WRN: variants seen among roughly 807,000 people sequenced by gnomAD.
The protein encoded by WRN is bifunctional 3'-5' exonuclease/ATP-dependent helicase WRN.
In WRN, 149 loss-of-function variants were observed where a neutral mutation model predicts 180.7. That is an observed-to-expected ratio of 0.82 (90% CI 0.72 to 0.94). WRN has a LOEUF of 0.94. Among genes scored for constraint, WRN ranks in the 40% least tolerant of loss-of-function variants. The pLI, the probability that WRN is intolerant of heterozygous loss-of-function variation, is 0.00. For synonymous variants in WRN, 548 were observed against 568.9 expected, an observed-to-expected ratio of 0.96 and a Z score of 0.52; for missense variants, 1,661 against 1,700.1, an observed-to-expected ratio of 0.98 and a Z score of 0.40.
rs7001440 is a variant in WRN, at chr8:31,143,344, G to A, written c.3310-206G>A. Reference sequence around the variant, plus strand: ...TGATGATTTATTTTCTGTAGTTTTGGGAGAGATAAGACATTGGAATGCGTT... The same window carrying A: ...TGATGATTTATTTTCTGTAGTTTTGAGAGAGATAAGACATTGGAATGCGTT... On this transcript the variant is annotated intron_variant, in intron 27 of 34. Coordinates refer to ENST00000298139, the MANE Select transcript of WRN (RefSeq NM_000553.6). Among the ~76,000 whole-genome samples the A allele has an allele frequency of 0.069, 10,511 of 152,070 alleles. 426 individuals are homozygous for A. Among genetic ancestry groups the A allele is most frequent in the African/African-American group, 0.091 (3,779 of 41,482 alleles).
At chr8:31,071,507 A>G (rs1812911726) in intron 7 of WRN, among the ~76,000 whole-genome samples, 2 of 152,088 alleles carry the variant, frequency 1.3e-5, no homozygotes, top group African/African-American at 4.8e-5. Flanking sequence ...TCTTTTTTTG[A>G]GTCTCACTCT....
Position 31,036,071 on chromosome 8 carries a change from A to G in WRN, c.-77+2098A>G, listed in dbSNP as rs539728209. Among the ~76,000 whole-genome samples, 4 of 152,302 alleles carry G rather than the reference A, an allele frequency of 2.6e-5. No individual in the cohort carries two copies. The South Asian group carries it at 6.2e-4, about 24-fold the overall frequency. ...CACCATTCTACTTACTACCTCAATG[A>G]CATCAAATTTTTTAGCTCCCACATA... On this transcript the variant is annotated intron_variant, in intron 1 of 34. Transcript: ENST00000298139.
chr8:31,133,563 T>C (rs1246945599), intron 24 of WRN, among the ~76,000 whole-genome samples: 1 of 152,098 alleles, frequency 6.6e-6, no homozygotes, highest in African/African-American at 2.4e-5. Context: ...TTAAATTAGT[T>C]GTGAAATATT....
chr8:31,131,560 T>A (rs1802173477), intron 23 of WRN: 1 of 152,582 alleles, frequency 6.6e-6, no homozygotes, highest in South Asian at 2.1e-4. Flanking sequence ...TGTCTGCTGC[T>A]GGAACACATC....
rs376850933 is a variant in WRN at position 31,174,795 on chromosome 8, C to CCCTT, written c.*1717_*1720dup. On this transcript the variant is annotated 3_prime_UTR_variant, in exon 35 of 35. Coordinates refer to ENST00000298139, the MANE Select transcript of WRN (RefSeq NM_000553.6). ...CTCTTTCCTTCCTTCCCTTCCCTTC[C>CCCTT]CCTTCCTTCCTTCCTTCCTTCCTTC... Among the ~76,000 whole-genome samples, 61 of 74,634 alleles carry CCCTT rather than the reference C, an allele frequency of 8.2e-4. No homozygotes were observed. Among genetic ancestry groups the CCCTT allele is most frequent in the African/African-American group, 2.1e-3 (48 of 23,092 alleles). The allele number at this position is 74,634 out of a possible 152,430, so 49.0% of individuals were successfully genotyped here.
At chr8:31,107,137 G>T (rs556761849) in intron 18 of WRN, among the ~76,000 whole-genome samples, 1 of 152,180 alleles carries the variant, frequency 6.6e-6, no homozygotes, top group Non-Finnish European at 1.5e-5. Context: ...ATGAAATATG[G>T]TATTATGAAG....
intron 7 of WRN, among the ~76,000 whole-genome samples, chr8:31,073,283 G>A (rs1812976805): frequency 6.6e-6 from 1 of 152,230 alleles, no homozygotes; most frequent in Non-Finnish European, 1.5e-5. Context: ...TAGAGGTGAT[G>A]AGAAGTCGTA....
chr8:31,044,976 C>G (rs181708335), intron 1 of WRN, among the ~76,000 whole-genome samples: 5 of 152,270 alleles, frequency 3.3e-5, no homozygotes, highest in Admixed American at 1.3e-4. Flanking sequence ...AATTTTGATG[C>G]CTTCTATGAA....
chr8:31,167,215 A>T lies in WRN; in HGVS notation c.4176A>T (p.Val1392=), dbSNP rs943488041. The T allele has an allele frequency of 6.2e-7, 1 of 1,612,916 alleles. No individual in the cohort carries two copies. The highest frequency in any genetic ancestry group is 1.7e-5 in the Admixed American group (1 of 59,896). The part of the protein sequence containing the change: ...CSSSKRSKEE[V]GINTETSSAE... ...GTTCTAAGAGAAGCAAGGAAGAAGT[A>T]GGCATCAATACTGAGGTATTAATTA... The change falls in exon 34 of 35, where the codon GTA becomes GTT. Residue 1392 remains valine, a synonymous_variant. Transcript: ENST00000298139.
intron 3 of WRN, among the ~76,000 whole-genome samples, chr8:31,061,599 A>G (rs1812486727): frequency 6.6e-6 from 1 of 151,814 alleles, no homozygotes; most frequent in Non-Finnish European, 1.5e-5. Flanking sequence ...TCCTTTAAAG[A>G]AAGGAACTTT....
rs577000913 is a variant in WRN, at chr8:31,091,840, A to G, written c.1840A>G (p.Ile614Val). 4.8e-5 allele frequency: 77 copies of G among 1,613,248 alleles called. No individual in the cohort carries two copies. Among genetic ancestry groups the G allele is most frequent in the Non-Finnish European group, 5.9e-5 (69 of 1,179,382 alleles). Reference sequence around the variant, plus strand: ...TTTTTCTTCTTATAGAATGTCCAACATCCCAGCTTGCTTCCTTGGATCAGC... The same window carrying G: ...TTTTTCTTCTTATAGAATGTCCAACGTCCCAGCTTGCTTCCTTGGATCAGC... ...DQVLQLKMSNIPACFLGSAQS... is the reference protein window; with the variant it reads ...DQVLQLKMSNVPACFLGSAQS... The change falls in exon 16 of 35, where the codon ATC (isoleucine) becomes GTC (valine). Residue 614 changes from isoleucine (I) to valine (V), a missense_variant. Around this residue, in one of 3 missense-constraint regions of WRN, gnomAD observed 1,141 missense variants for 1,149.4 expected, o/e 0.99. Transcript: ENST00000298139.
intron 16 of WRN, among the ~76,000 whole-genome samples, chr8:31,096,029 A>G (rs1044242321): frequency 6.6e-6 from 1 of 152,224 alleles, no homozygotes; most frequent in African/African-American, 2.4e-5. Flanking sequence ...AACTTGGCTA[A>G]CATCACTTAC....
At chr8:31,127,430 TAA>T (rs1013429985) in intron 23 of WRN, among the ~76,000 whole-genome samples, 9 of 152,132 alleles carry the variant, frequency 5.9e-5, no homozygotes, top group Non-Finnish European at 1.2e-4. Context: ...AAAAATAAAA[TAA>T]AAACAAATTA....
chr8:31,125,537 G>GAGATATAT (rs1365119717), intron 23 of WRN, among the ~76,000 whole-genome samples: 1 of 63,764 alleles, frequency 1.6e-5, no homozygotes, highest in Non-Finnish European at 3.0e-5. Flanking sequence ...ATATTATGGA[G>GAGATATAT]ATATATATAT....
chr8:31,049,105 G>A (rs1388582680), intron 1 of WRN, among the ~76,000 whole-genome samples: 2 of 149,464 alleles, frequency 1.3e-5, no homozygotes, highest in East Asian at 2.0e-4. Flanking sequence ...CAGCTACTCC[G>A]GAGGCTGAGG....
intron 1 of WRN, among the ~76,000 whole-genome samples, chr8:31,035,568 GA>G (rs1432392541): frequency 6.6e-6 from 1 of 152,148 alleles, no homozygotes; most frequent in African/African-American, 2.4e-5. Flanking sequence ...GGGCTATATT[GA>G]AAATTGGGGC....
At chr8:31,125,563 T>TATATATATATATATATATATATATAG (rs1801898606) in intron 23 of WRN, among the ~76,000 whole-genome samples, 1 of 130,434 alleles carries the variant, frequency 7.7e-6, no homozygotes, top group African/African-American at 2.9e-5. Flanking sequence ...TATATATATA[T>TATATATATATATATATATATATATAG]ATATATGGGG....
At chr8:31,140,010 T>G (rs556412950) in intron 24 of WRN, among the ~76,000 whole-genome samples, 10 of 98,956 alleles carry the variant, frequency 1.0e-4, no homozygotes, top group East Asian at 2.7e-4. Flanking sequence ...TTTGTTTTTT[T>G]TTTTTTTTTT....
At chr8:31,154,126 T>C (rs980511491) in intron 31 of WRN, among the ~76,000 whole-genome samples, 2 of 151,902 alleles carry the variant, frequency 1.3e-5, no homozygotes, top group Non-Finnish European at 2.9e-5. Context: ...TAAGGAACCA[T>C]ATTTAAGATT....
Sources: gnomAD v4.1 joint callset for allele counts (sites outside exome capture counted in the v4.1 genomes callset) on GRCh38, gnomAD v4.1.1 for gene constraint, gnomAD v4.1.1 regional missense constraint, MANE v1.5 for transcripts, NCBI Gene and HGNC (gene_info 2026-07-23, HGNC 2026-07-21) for gene names.